SHISAL2A: variants seen among roughly 807,000 people sequenced by gnomAD.
SHISAL2A encodes shisa like 2A, also known as protein shisa-like-2A.
SHISAL2A carries 18 observed loss-of-function variants against 11.5 expected under a neutral mutation model. The observed-to-expected ratio is 1.57, with a 90% CI of 1.08 to 2.33. SHISAL2A has a LOEUF of 2.33. Ranked by LOEUF, SHISAL2A falls within the 30% of genes most tolerant of loss-of-function variation. The pLI is 0.00. For synonymous variants in SHISAL2A, 94 were observed against 99.6 expected (o/e 0.94, Z 0.34); for missense variants, 261 against 250.9 (o/e 1.04, Z -0.27).
At chr1:52,639,208 G>C (rs1691304446) in intron 1 of SHISAL2A, among the ~76,000 whole-genome samples, 1 of 151,962 alleles carries the variant, frequency 6.6e-6, no homozygotes, top group Admixed American at 6.6e-5. Flanking sequence ...ACTTTGGCTA[G>C]AGTATCAGAA....
chr1:52,636,815 C>T (rs537790478), intron 1 of SHISAL2A, among the ~76,000 whole-genome samples: 1 of 152,328 alleles, frequency 6.6e-6, no homozygotes, highest in East Asian at 1.9e-4. Context: ...TCAGGCCTGT[C>T]TCATCTCAAG....
At chr1:52,636,632 T>C (rs1321844942) in intron 1 of SHISAL2A, among the ~76,000 whole-genome samples, 1 of 152,232 alleles carries the variant, frequency 6.6e-6, no homozygotes, top group Non-Finnish European at 1.5e-5. Context: ...CCTAGCAATA[T>C]CATAGCAGAC....
chr1:52,633,707 C>G lies in SHISAL2A; in HGVS notation c.182+32C>G. 1 of 1,567,748 alleles carries G rather than the reference C, an allele frequency of 6.4e-7. No homozygotes were observed. The highest frequency in any genetic ancestry group is 8.7e-7 in the Non-Finnish European group (1 of 1,151,574). On this transcript the variant is annotated intron_variant, in intron 1 of 2. Transcript: ENST00000517870. This position sits in a 1 kb window ranked among gnomAD's most constrained non-coding sequence, Gnocchi z 6.4. ...TCCCTGGCCCTCACCCTACCTTGAACCCCACTCCAGTCTCAGCGCCTTCAC... is the reference window on the plus strand; with the variant it reads ...TCCCTGGCCCTCACCCTACCTTGAAGCCCACTCCAGTCTCAGCGCCTTCAC...
chr1:52,649,128 C>T (rs1024022273), intron 2 of SHISAL2A, among the ~76,000 whole-genome samples: 2 of 152,306 alleles, frequency 1.3e-5, no homozygotes, highest in Admixed American at 6.5e-5. Context: ...CCTCTCCTTC[C>T]CTCTGCACCC....
At chr1:52,641,460 G>A (rs530575636) in intron 1 of SHISAL2A, among the ~76,000 whole-genome samples, 1 of 152,252 alleles carries the variant, frequency 6.6e-6, no homozygotes, top group South Asian at 2.1e-4. Context: ...TCTGGTGTCA[G>A]AAGTGTTGTG....
At position 52,642,949 on chromosome 1, in the gene SHISAL2A, T is replaced by G. The variant is rs1691402934; in HGVS notation, c.269T>G (p.Ile90Ser). 6.2e-7 allele frequency: 1 copy of G among 1,614,074 alleles called. No individual in the cohort carries two copies. Among genetic ancestry groups the G allele is most frequent in the African/African-American group, 1.3e-5 (1 of 74,928 alleles). Residue 90 changes from isoleucine (I) to serine (S), a missense_variant, in exon 2 of 3, where the codon ATC becomes AGC. Transcript: ENST00000517870. ...VTACVLCYLF[I>S]SSKPHTKLDL... The stretch of plus-strand genomic sequence containing the variant: ...GCCTGTGTGCTCTGCTACCTGTTCA[T>G]CAGCTCTAAGCCCCACACAAAGTTG...
In SHISAL2A at chr1:52,633,429, T is replaced by A. The variant is rs1375594143; in HGVS notation, c.-65T>A. ...GCTCCGTCTCGCTCGGTCCCTCGCT[T>A]CCCCGCCGGGCTCTAGCCGGCCGTC... On this transcript the variant is annotated 5_prime_UTR_variant, in exon 1 of 3. Transcript: ENST00000517870. This position sits in a 1 kb window ranked among gnomAD's most constrained non-coding sequence, Gnocchi z 6.4. 6.6e-6 allele frequency: 9 copies of A among 1,367,040 alleles called. No individual in the cohort carries two copies. In the African/African-American group the frequency reaches 1.4e-4, roughly 21 times the overall value. The allele number at this position is 1,367,040 out of a possible 1,614,324, so 84.7% of individuals were successfully genotyped here.
upstream of SHISAL2A, among the ~76,000 whole-genome samples, chr1:52,632,827 G>A (rs1691154607): frequency 6.6e-6 from 1 of 152,194 alleles, no homozygotes; most frequent in African/African-American, 2.4e-5. Context: ...AAATCTCGTG[G>A]GCTTAGGAAC....
intron 1 of SHISAL2A, among the ~76,000 whole-genome samples, chr1:52,636,531 A>G (rs1183478315): frequency 6.6e-6 from 1 of 152,280 alleles, no homozygotes; most frequent in African/African-American, 2.4e-5. Flanking sequence ...TGACCAGTGC[A>G]TATGTTAGGT....
chr1:52,646,075 G>A (rs923217469), intron 2 of SHISAL2A, among the ~76,000 whole-genome samples: 1 of 152,220 alleles, frequency 6.6e-6, no homozygotes, highest in Non-Finnish European at 1.5e-5. Context: ...TTTAAACTGA[G>A]TACAAATTTG....
intron 2 of SHISAL2A, among the ~76,000 whole-genome samples, chr1:52,651,046 A>G (rs981359066): frequency 3.3e-5 from 5 of 151,758 alleles, no homozygotes; most frequent in Non-Finnish European, 7.4e-5. Flanking sequence ...TTAACAGAGT[A>G]TAAGGTCTGG....
chr1:52,633,450 C>A lies in SHISAL2A; in HGVS notation c.-44C>A. The A allele has an allele frequency of 7.0e-7, 1 of 1,427,604 alleles. No homozygotes were observed. Among genetic ancestry groups the A allele is most frequent in the African/African-American group, 1.5e-5 (1 of 66,116 alleles). 88.4% of individuals were successfully genotyped at this position (1,427,604 alleles called of 1,614,324 possible). ...CGCTTCCCCGCCGGGCTCTAGCCGG[C>A]CGTCTGGTGGCCCGAGGTGGCGGCG... On this transcript the variant is annotated 5_prime_UTR_variant, in exon 1 of 3. Coordinates refer to ENST00000517870, the MANE Select transcript of SHISAL2A (RefSeq NM_001042693.3). The surrounding 1 kb of genome is among the most constrained non-coding windows in gnomAD (Gnocchi z 6.4).
chr1:52,639,427 A>C (rs938798084), intron 1 of SHISAL2A, among the ~76,000 whole-genome samples: 1 of 152,162 alleles, frequency 6.6e-6, no homozygotes, highest in African/African-American at 2.4e-5. Flanking sequence ...AATATTATCA[A>C]TAAGTTCATA....
chr1:52,658,272 T>G (rs1029628757), downstream of SHISAL2A, among the ~76,000 whole-genome samples: 1 of 152,178 alleles, frequency 6.6e-6, no homozygotes, highest in Non-Finnish European at 1.5e-5. Flanking sequence ...ACTCCTGACC[T>G]CAAGTGATCC....
Position 52,633,274 on chromosome 1 carries a change from C to T in SHISAL2A, c.-220C>T, listed in dbSNP as rs1224158925. 7.9e-6 allele frequency: 3 copies of T among 377,778 alleles called. No homozygotes were observed. Among genetic ancestry groups the T allele is most frequent in the African/African-American group, 4.2e-5 (2 of 47,358 alleles). The allele number at this position is 377,778 out of a possible 1,614,324, so 23.4% of individuals were successfully genotyped here. On this transcript the variant is annotated 5_prime_UTR_variant, in exon 1 of 3. Transcript: ENST00000517870. This position sits in a 1 kb window ranked among gnomAD's most constrained non-coding sequence, Gnocchi z 6.4. The stretch of plus-strand genomic sequence containing the variant: ...CGCCGCCGGCCCCCGCCGCCCGCCC[C>T]GCCTGCCCCTACCCCTCCGCGCGGG...
intron 2 of SHISAL2A, among the ~76,000 whole-genome samples, chr1:52,650,805 C>T (rs375176812): frequency 3.3e-5 from 5 of 151,658 alleles, no homozygotes; most frequent in Admixed American, 6.6e-5. Flanking sequence ...CCACCACACC[C>T]GGCTAATTTT....
chr1:52,654,431 G>A (rs1372626983), intron 2 of SHISAL2A, among the ~76,000 whole-genome samples: 1 of 152,204 alleles, frequency 6.6e-6, no homozygotes, highest in African/African-American at 2.4e-5. Flanking sequence ...AAGGAGGATA[G>A]TGTGGTATTG....
intron 4 of SHISAL2A, among the ~76,000 whole-genome samples, chr1:52,666,604 A>G (rs1175228001): frequency 7.3e-5 from 11 of 151,062 alleles, no homozygotes; most frequent in African/African-American, 2.7e-4. Flanking sequence ...GTGTGTGTCT[A>G]TAGTTTTTTG....
At chr1:52,640,574 G>A (rs968688972) in intron 1 of SHISAL2A, among the ~76,000 whole-genome samples, 1 of 151,394 alleles carries the variant, frequency 6.6e-6, no homozygotes, top group Admixed American at 6.6e-5. Flanking sequence ...GCCTACCAGG[G>A]AGGCTGAGGC....
Sources: allele counts gnomAD v4.1 joint callset (sites outside exome capture counted in the v4.1 genomes callset), GRCh38; gene constraint gnomAD v4.1.1; non-coding constraint Gnocchi (gnomAD v3.1); transcripts MANE v1.5; gene names NCBI Gene and HGNC (gene_info 2026-07-23, HGNC 2026-07-21).